Variants in ELAVL4 observed in about 807,000 individuals in gnomAD.
ELAVL4 encodes ELAV-like protein 4.
ELAVL4 carries 1 observed loss-of-function variant against 35.6 expected under a neutral mutation model. That is an observed-to-expected ratio of 0.03 (90% CI 0.01 to 0.13). The LOEUF is 0.13. Ranked by LOEUF, ELAVL4 falls within the 10% of genes least tolerant of loss-of-function variation. The probability of loss-of-function intolerance (pLI) is 1.00; values close to 1 mark genes in which losing one functional copy is unlikely to be tolerated. For synonymous variants in ELAVL4, 156 were observed against 171.0 expected, an observed-to-expected ratio of 0.91 and a Z score of 0.69; for missense variants, 267 against 464.9, an observed-to-expected ratio of 0.57 and a Z score of 3.91.
chr1:50,091,159 G>A (rs1665474930), intron 1 of ELAVL4, among the ~76,000 whole-genome samples: 1 of 152,224 alleles, frequency 6.6e-6, no homozygotes, highest in Non-Finnish European at 1.5e-5. Context: ...AGTAGAAATA[G>A]AATGTTGAAT....
At chr1:50,141,204 A>G (rs4147276) in intron 1 of ELAVL4, among the ~76,000 whole-genome samples, 68,970 of 151,930 alleles carry the variant, frequency 0.45, 17,857 homozygotes, top group East Asian at 0.78. Context: ...CAGAATCTCA[A>G]CATGAAATTC....
upstream of ELAVL4, among the ~76,000 whole-genome samples, chr1:50,107,110 T>G (rs1245476434): frequency 6.6e-6 from 1 of 152,220 alleles, no homozygotes; most frequent in Non-Finnish European, 1.5e-5. Context: ...TGTTGTTGAT[T>G]TGGGGCACAC....
chr1:50,177,802 T>G (rs544643794), intron 3 of ELAVL4, among the ~76,000 whole-genome samples: 148 of 152,232 alleles, frequency 9.7e-4, no homozygotes, highest in African/African-American at 3.5e-3. Context: ...ATAAAATTGA[T>G]GAGAACATAG....
At chr1:50,070,795 A>G (rs1485558002) in intron 1 of ELAVL4, among the ~76,000 whole-genome samples, 1 of 151,638 alleles carries the variant, frequency 6.6e-6, no homozygotes, top group African/African-American at 2.4e-5. Flanking sequence ...AGAAGGGCAG[A>G]TAAAGTTACA....
At chr1:50,072,346 G>C (rs1295730683) in intron 1 of ELAVL4, among the ~76,000 whole-genome samples, 1 of 152,160 alleles carries the variant, frequency 6.6e-6, no homozygotes, top group African/African-American at 2.4e-5. Flanking sequence ...AGAAACTGTA[G>C]GCTGGGTAAT....
chr1:50,178,579 G>T (rs914444310), intron 3 of ELAVL4, among the ~76,000 whole-genome samples: 1 of 152,170 alleles, frequency 6.6e-6, no homozygotes, highest in Non-Finnish European at 1.5e-5. Context: ...CCTGATTCAG[G>T]CTCCTCAGTC....
chr1:50,132,327 G>C (rs1670998373), intron 1 of ELAVL4, among the ~76,000 whole-genome samples: 1 of 152,168 alleles, frequency 6.6e-6, no homozygotes, highest in African/African-American at 2.4e-5. Context: ...GCTGTTGTGT[G>C]ATTGGGCAGA....
intron 1 of ELAVL4, among the ~76,000 whole-genome samples, chr1:50,056,695 G>A (rs12133586): frequency 1.2e-4 from 18 of 152,188 alleles, no homozygotes; most frequent in Admixed American, 2.0e-4. Flanking sequence ...CCAGCACATT[G>A]GGAGGCCAAG....
intron 1 of ELAVL4, chr1:50,110,060 T>A (rs750531980): frequency 8.9e-6 from 13 of 1,463,846 alleles, no homozygotes; most frequent in African/African-American, 1.4e-5. Flanking sequence ...GATGCTGGAC[T>A]GTGCATCGTA....
upstream of ELAVL4, among the ~76,000 whole-genome samples, chr1:50,101,440 A>T (rs947508596): frequency 6.6e-6 from 1 of 152,218 alleles, no homozygotes; most frequent in Non-Finnish European, 1.5e-5. Flanking sequence ...TTGAGGACAT[A>T]CCTAGCTAAA....
intron 1 of ELAVL4, among the ~76,000 whole-genome samples, chr1:50,135,676 G>C (rs762608552): frequency 1.3e-5 from 2 of 152,144 alleles, no homozygotes; most frequent in Non-Finnish European, 2.9e-5. Context: ...ACTTCCCAGA[G>C]TAAATAGGTC....
At chr1:50,195,472 A>C in intron 4 of ELAVL4, 89 bp from the exon 5 acceptor site, 3 of 1,461,060 alleles carry the variant, frequency 2.1e-6, no homozygotes, top group Non-Finnish European at 2.9e-6. Flanking sequence ...CTTACTCCTC[A>C]CACAATATCC....
chr1:50,158,771 T>C (rs1253075907), intron 2 of ELAVL4, among the ~76,000 whole-genome samples: 2 of 152,200 alleles, frequency 1.3e-5, no homozygotes, highest in Non-Finnish European at 2.9e-5. Context: ...CCAGGCCTGG[T>C]GGCTCACCCC....
At chr1:50,074,144 C>T (rs1466548047) in intron 1 of ELAVL4, among the ~76,000 whole-genome samples, 3 of 152,156 alleles carry the variant, frequency 2.0e-5, no homozygotes, top group African/African-American at 4.8e-5. Flanking sequence ...CTGTGCTTCT[C>T]TAGTTTATGG....
chr1:50,086,373 A>C (rs1364248026), intron 1 of ELAVL4, among the ~76,000 whole-genome samples: 1 of 151,632 alleles, frequency 6.6e-6, no homozygotes, highest in Non-Finnish European at 1.5e-5. Flanking sequence ...AAATTGGGAA[A>C]TTTTTCTAGT....
At chr1:50,185,115 A>G (rs1681627976) in intron 3 of ELAVL4, among the ~76,000 whole-genome samples, 2 of 152,186 alleles carry the variant, frequency 1.3e-5, no homozygotes, top group Admixed American at 1.3e-4. Flanking sequence ...GTGCTGGCCT[A>G]AAACATCAGT....
At chr1:50,103,849 G>A (rs375678859), upstream of ELAVL4, 19 of 1,524,466 alleles carry the variant, frequency 1.2e-5, no homozygotes, top group Middle Eastern at 2.1e-4. Flanking sequence ...CCAGACAGCC[G>A]GAACAGGAGG....
intron 1 of ELAVL4, among the ~76,000 whole-genome samples, chr1:50,073,836 A>C (rs1044368274): frequency 6.6e-5 from 10 of 152,148 alleles, no homozygotes; most frequent in Non-Finnish European, 2.9e-5. Flanking sequence ...TAAGTGCATA[A>C]GAAAGTAGAA....
chr1:50,084,587 C>G (rs1490144583), intron 1 of ELAVL4, among the ~76,000 whole-genome samples: 1 of 152,090 alleles, frequency 6.6e-6, no homozygotes, highest in African/African-American at 2.4e-5. Flanking sequence ...CATACCTGCC[C>G]CCTTCTGTCT....
Sources: allele counts gnomAD v4.1 joint callset (sites outside exome capture counted in the v4.1 genomes callset), GRCh38; gene constraint gnomAD v4.1.1; transcripts MANE v1.5; gene names NCBI Gene and HGNC (gene_info 2026-07-23, HGNC 2026-07-21).